The following MAGI2 variants were observed in gnomAD, a reference collection of about 807,000 sequenced individuals.
MAGI2 encodes the protein membrane associated guanylate kinase, WW and PDZ domain containing 2.
A neutral mutation model predicts 133.3 loss-of-function variants in MAGI2; 35 were observed. The observed-to-expected ratio is 0.26, with a 90% CI of 0.20 to 0.35. The LOEUF is 0.35. Ranked by LOEUF, MAGI2 falls within the 10% of genes least tolerant of loss-of-function variation. MAGI2 has a pLI of 1.00. For synonymous variants in MAGI2, 729 were observed against 710.6 expected (o/e 1.03, Z -0.41); for missense variants, 1,636 against 1,863.4 (o/e 0.88, Z 2.25).
At chr7:78,674,056 A>G (rs912778846) in intron 2 of MAGI2, among the ~76,000 whole-genome samples, 2 of 152,152 alleles carry the variant, frequency 1.3e-5, no homozygotes, top group African/African-American at 2.4e-5. Flanking sequence ...TAAAAGAGAC[A>G]ATCATGATGA....
intron 1 of MAGI2, among the ~76,000 whole-genome samples, chr7:79,126,808 T>A (rs1464513873): frequency 6.6e-6 from 1 of 151,848 alleles, no homozygotes; most frequent in Non-Finnish European, 1.5e-5. Flanking sequence ...TAATTTATTA[T>A]TATTATTATA....
At chr7:78,312,920 C>CATAT (rs774811360) in intron 9 of MAGI2, among the ~76,000 whole-genome samples, 6 of 148,670 alleles carry the variant, frequency 4.0e-5, no homozygotes, top group African/African-American at 1.5e-4. Context: ...AAGATATCTG[C>CATAT]ATATATATAT....
chr7:78,884,632 A>G (rs987504622), intron 2 of MAGI2, among the ~76,000 whole-genome samples: 1 of 152,178 alleles, frequency 6.6e-6, no homozygotes, highest in Non-Finnish European at 1.5e-5. Context: ...ACCATCTTAC[A>G]CCAGTAAGAA....
chr7:78,555,219 TAGA>T (rs560976243), intron 3 of MAGI2, among the ~76,000 whole-genome samples: 1 of 111,186 alleles, frequency 9.0e-6, no homozygotes, highest in African/African-American at 4.5e-5. Context: ...GATAGATAGA[TAGA>T]CAGATAGATA....
At chr7:79,309,979 A>AAAAG (rs1554440749) in intron 1 of MAGI2, among the ~76,000 whole-genome samples, 43 of 141,268 alleles carry the variant, frequency 3.0e-4, no homozygotes, top group Non-Finnish European at 4.6e-4. Flanking sequence ...AAAAAAAAAA[A>AAAAG]AAAAGAAAAG....
At chr7:79,289,011 G>A (rs576275811) in intron 1 of MAGI2, among the ~76,000 whole-genome samples, 2 of 152,094 alleles carry the variant, frequency 1.3e-5, no homozygotes, top group African/African-American at 4.8e-5. Flanking sequence ...ACTGAAACTG[G>A]AATCAAATTT....
chr7:78,155,123 A>G (rs1462434380), intron 16 of MAGI2, among the ~76,000 whole-genome samples: 2 of 152,264 alleles, frequency 1.3e-5, no homozygotes. Flanking sequence ...AACATTTTGC[A>G]TATAAGTCTT....
intron 1 of MAGI2, among the ~76,000 whole-genome samples, chr7:79,142,124 A>G (rs1243397688): frequency 6.6e-6 from 1 of 152,162 alleles, no homozygotes; most frequent in African/African-American, 2.4e-5. Context: ...GGTCTTACAC[A>G]TTGTGGCTAT....
chr7:78,669,476 A>G (rs367898867), intron 2 of MAGI2, among the ~76,000 whole-genome samples: 2,264 of 152,104 alleles, frequency 0.015, 64 homozygotes, highest in African/African-American at 0.052. Flanking sequence ...ATTCACAGCC[A>G]AATTCTACCA....
chr7:78,583,871 G>T (rs1803111820), intron 3 of MAGI2, among the ~76,000 whole-genome samples: 1 of 152,172 alleles, frequency 6.6e-6, no homozygotes, highest in Admixed American at 6.5e-5. Flanking sequence ...TATGGTAATT[G>T]AGTCCTTATA....
At chr7:79,136,024 A>AGAAAGAAG (rs1554375928) in intron 1 of MAGI2, among the ~76,000 whole-genome samples, 34 of 126,992 alleles carry the variant, frequency 2.7e-4, no homozygotes, top group African/African-American at 1.1e-3. Flanking sequence ...AAAGAAAGAA[A>AGAAAGAAG]GAAGGAAAGA....
intron 5 of MAGI2, among the ~76,000 whole-genome samples, chr7:78,500,447 C>G (rs1794519575): frequency 6.6e-6 from 1 of 152,124 alleles, no homozygotes; most frequent in African/African-American, 2.4e-5. Context: ...AGTTTTTACT[C>G]TTACTAATGA....
chr7:79,350,145 C>A (rs772943105), intron 1 of MAGI2, among the ~76,000 whole-genome samples: 4 of 152,070 alleles, frequency 2.6e-5, no homozygotes, highest in Admixed American at 6.6e-5. Flanking sequence ...CAGACCACTG[C>A]TGAACTGTGA....
At chr7:79,430,888 A>G (rs1463311276) in intron 1 of MAGI2, among the ~76,000 whole-genome samples, 2 of 152,220 alleles carry the variant, frequency 1.3e-5, no homozygotes, top group South Asian at 2.1e-4. Flanking sequence ...TTCGTCTGCA[A>G]TGCCAAAGAA....
intron 10 of MAGI2, among the ~76,000 whole-genome samples, chr7:78,228,217 T>C (rs1789604379): frequency 1.3e-5 from 2 of 152,214 alleles, no homozygotes; most frequent in Admixed American, 1.3e-4. Flanking sequence ...CAAAAGCAGA[T>C]GGTGGACTGA....
chr7:78,999,927 T>C (rs917206118), intron 2 of MAGI2, among the ~76,000 whole-genome samples: 1 of 152,214 alleles, frequency 6.6e-6, no homozygotes, highest in African/African-American at 2.4e-5. Flanking sequence ...TCTGGCAGCT[T>C]CATTCTGAAG....
chr7:78,076,613 G>A (rs1426477418), intron 21 of MAGI2, among the ~76,000 whole-genome samples: 1 of 151,538 alleles, frequency 6.6e-6, no homozygotes, highest in South Asian at 2.1e-4. Flanking sequence ...TTGGGAGGCC[G>A]AGGCGGGTGG....
intron 1 of MAGI2, among the ~76,000 whole-genome samples, chr7:79,326,660 AT>A (rs11461411): frequency 0.66 from 97,644 of 148,806 alleles, 32,304 homozygotes; most frequent in Admixed American, 0.7. Context: ...TCAGTGATAC[AT>A]TTTTTTTTTT....
intron 9 of MAGI2, among the ~76,000 whole-genome samples, chr7:78,297,849 G>C (rs1280612016): frequency 8.1e-6 from 1 of 123,400 alleles, no homozygotes. Context: ...GGAGGGGGAG[G>C]GGGGAGGGAT....
Sources: gnomAD v4.1 joint callset for allele counts (sites outside exome capture counted in the v4.1 genomes callset) on GRCh38, gnomAD v4.1.1 for gene constraint, MANE v1.5 for transcripts, NCBI Gene and HGNC (gene_info 2026-07-23, HGNC 2026-07-21) for gene names.